CACNA1E: variants seen among roughly 807,000 people sequenced by gnomAD.
The protein encoded by CACNA1E is voltage-dependent R-type calcium channel subunit alpha-1E.
In CACNA1E, 40 loss-of-function variants were observed where a neutral mutation model predicts 259.2. That is an observed-to-expected ratio of 0.15 (90% confidence interval 0.12 to 0.20). The LOEUF is 0.20. Among genes scored for constraint, CACNA1E ranks in the 10% least tolerant of loss-of-function variants. The pLI is 1.00. For missense variants in CACNA1E, 1,874 were observed against 3,040.1 expected (o/e 0.62, Z 9.02); for synonymous variants, 1,104 against 1,138.5 (o/e 0.97, Z 0.61).
chr1:181,708,474 A>T (rs1653011278), intron 7 of CACNA1E, among the ~76,000 whole-genome samples: 1 of 152,230 alleles, frequency 6.6e-6, no homozygotes, highest in African/African-American at 2.4e-5. Context: ...TAGATGCTCA[A>T]GGATGATCAT....
chr1:181,486,040 C>G (rs1352301352), intron 1 of CACNA1E, among the ~76,000 whole-genome samples: 1 of 152,274 alleles, frequency 6.6e-6, no homozygotes, highest in Non-Finnish European at 1.5e-5. Flanking sequence ...ACGTTTCCTA[C>G]ACCACGTGGT....
intron 6 of CACNA1E, among the ~76,000 whole-genome samples, chr1:181,618,698 T>G (rs912220761): frequency 6.6e-6 from 1 of 152,382 alleles, no homozygotes; most frequent in Admixed American, 6.5e-5. Flanking sequence ...AGTTGGAATC[T>G]GATTCTGCTA....
chr1:181,734,016 C>T (rs1655790567), intron 21 of CACNA1E, among the ~76,000 whole-genome samples: 2 of 152,124 alleles, frequency 1.3e-5, no homozygotes. Flanking sequence ...GACTTTGTGC[C>T]CAGTTAGATA....
intron 3 of CACNA1E, among the ~76,000 whole-genome samples, chr1:181,530,355 CT>C (rs1297007565): frequency 6.6e-6 from 1 of 152,110 alleles, no homozygotes; most frequent in Non-Finnish European, 1.5e-5. Context: ...ACTAATATAA[CT>C]TTTTTGCAGG....
chr1:181,468,106 C>T (rs752436766), intron 2 of CACNA1E, among the ~76,000 whole-genome samples: 1 of 152,096 alleles, frequency 6.6e-6, no homozygotes, highest in Non-Finnish European at 1.5e-5. Context: ...AGGTTATTAC[C>T]CATCTGTCTA....
At chr1:181,431,017 T>A (rs1412141087) in intron 2 of CACNA1E, among the ~76,000 whole-genome samples, 1 of 152,194 alleles carries the variant, frequency 6.6e-6, no homozygotes, top group Non-Finnish European at 1.5e-5. Flanking sequence ...AATTTTCCTA[T>A]AACTTATTTT....
At chr1:181,696,047 C>A (rs1382143347) in intron 7 of CACNA1E, among the ~76,000 whole-genome samples, 1 of 152,152 alleles carries the variant, frequency 6.6e-6, no homozygotes, top group African/African-American at 2.4e-5. Context: ...TCAGGCGAGA[C>A]AAATGTTTCT....
intron 40 of CACNA1E, among the ~76,000 whole-genome samples, chr1:181,784,296 AG>A (rs573584668): frequency 1.6e-3 from 243 of 152,276 alleles, no homozygotes; most frequent in African/African-American, 5.1e-3. Flanking sequence ...CTATGGAGTT[AG>A]GGTTGCTGGA....
chr1:181,753,462 C>A (rs951479598), intron 27 of CACNA1E, among the ~76,000 whole-genome samples: 9 of 152,188 alleles, frequency 5.9e-5, no homozygotes, highest in Admixed American at 2.6e-4. Flanking sequence ...AGCTATATGA[C>A]CCAGGGCAAA....
At chr1:181,651,314 A>G in intron 6 of CACNA1E, 24 bp from the exon 7 acceptor site, 2 of 1,495,654 alleles carry the variant, frequency 1.3e-6, no homozygotes, top group Non-Finnish European at 1.9e-6. Flanking sequence ...TTAAGTATTA[A>G]GGAACCATTT....
chr1:181,329,807 G>A lies in CACNA1E; in HGVS notation c.-15+11684G>A, dbSNP rs116952999. On this transcript the variant is annotated intron_variant, in intron 1 of 11. Transcript: ENST00000524607. ...GTATACTTAGTTACTTGTTAGTTTA[G>A]CATCTGTGTCTCCCAGGCAGAAAGT... 4.2e-3 allele frequency among the ~76,000 whole-genome samples: 634 copies of A among 152,246 alleles called. 14 individuals are homozygous for A. The highest frequency in any genetic ancestry group is 0.031 in the Admixed American group (477 of 15,298).
rs1309852061 is a variant in CACNA1E, at chr1:181,802,066, TG to T, written c.*3233del. The T allele has an allele frequency of 3.3e-5, 5 of 152,128 alleles. No homozygotes were observed. Among genetic ancestry groups the T allele is most frequent in the African/African-American group, 1.2e-4 (5 of 41,416 alleles). 9.4% of individuals were successfully genotyped at this position (152,128 alleles called of 1,614,324 possible). The stretch of plus-strand genomic sequence containing the variant: ...TCTCCCCATCTCCTAGAGGACAGAG[TG>T]CCAGCGACCTCTGGACAGGGGCAGG... On this transcript the variant is annotated 3_prime_UTR_variant, in exon 48 of 48. Coordinates refer to ENST00000367573, the MANE Select transcript of CACNA1E (RefSeq NM_001205293.3).
intron 27 of CACNA1E, among the ~76,000 whole-genome samples, chr1:181,752,588 C>A (rs1657690737): frequency 6.6e-6 from 1 of 152,198 alleles, no homozygotes. Context: ...GCAACGGGAT[C>A]CCTCTGTGTG....
At chr1:181,408,049 T>A (rs1657590939) in intron 1 of CACNA1E, among the ~76,000 whole-genome samples, 1 of 152,218 alleles carries the variant, frequency 6.6e-6, no homozygotes, top group Non-Finnish European at 1.5e-5. Context: ...CCTCGTAGTG[T>A]TCATCAGTTC....
intron 1 of CACNA1E, among the ~76,000 whole-genome samples, chr1:181,385,267 G>A (rs746567165): frequency 5.3e-5 from 8 of 152,198 alleles, no homozygotes; most frequent in Admixed American, 2.0e-4. Context: ...GATAGCTAGC[G>A]AGTGCAAGTA....
intron 1 of CACNA1E, among the ~76,000 whole-genome samples, chr1:181,509,093 G>A (rs1665958541): frequency 6.6e-6 from 1 of 152,074 alleles, no homozygotes; most frequent in Admixed American, 6.5e-5. Context: ...TGGTGGTGGG[G>A]GAGGAGAAGG....
chr1:181,565,896 G>A (rs1396100527), intron 3 of CACNA1E, among the ~76,000 whole-genome samples: 1 of 151,628 alleles, frequency 6.6e-6, no homozygotes, highest in Admixed American at 6.6e-5. Context: ...GGGTACCTGC[G>A]GAGAGAAAGT....
At chr1:181,555,793 A>T (rs530651231) in intron 3 of CACNA1E, among the ~76,000 whole-genome samples, 3 of 152,344 alleles carry the variant, frequency 2.0e-5, no homozygotes, top group Admixed American at 2.0e-4. Context: ...TCATATGTGC[A>T]TGCAGGAATG....
chr1:181,682,595 A>G (rs1650087877), intron 7 of CACNA1E, among the ~76,000 whole-genome samples: 1 of 152,206 alleles, frequency 6.6e-6, no homozygotes, highest in Admixed American at 6.5e-5. Flanking sequence ...TAGTTTATGT[A>G]GAAAAGAGGT....
Sources: gnomAD v4.1 joint callset for allele counts (sites outside exome capture counted in the v4.1 genomes callset) on GRCh38, gnomAD v4.1.1 for gene constraint, MANE v1.5 for transcripts, NCBI Gene and HGNC (gene_info 2026-07-23, HGNC 2026-07-21) for gene names.